The following FBXO31 variants were observed in gnomAD, a reference collection of about 807,000 sequenced individuals.
The protein encoded by FBXO31 is F-box protein 31.
In FBXO31, 24 loss-of-function variants were observed where a neutral mutation model predicts 54.4. The ratio of observed to expected loss-of-function variants is 0.44; its 90% CI spans 0.32 to 0.62. The LOEUF (loss-of-function observed/expected upper bound fraction) is 0.62, where lower values mean the gene tolerates loss of function less well. Ranked by LOEUF, FBXO31 falls within the 20% of genes least tolerant of loss-of-function variation. The pLI is 0.05. For synonymous variants in FBXO31, 388 were observed against 335.6 expected (o/e 1.16, Z -1.71); for missense variants, 665 against 787.1 (o/e 0.84, Z 1.86).
At chr16:87,349,535 C>T (rs985556565) in intron 2 of FBXO31, among the ~76,000 whole-genome samples, 1 of 152,158 alleles carries the variant, frequency 6.6e-6, no homozygotes, top group African/African-American at 2.4e-5. Flanking sequence ...CATGGTGAAA[C>T]CCCGTCTCTA....
intron 1 of FBXO31, among the ~76,000 whole-genome samples, chr16:87,381,018 G>A (rs902649314): frequency 6.6e-6 from 1 of 152,170 alleles, no homozygotes; most frequent in Admixed American, 6.5e-5. Flanking sequence ...CACAGGTCTG[G>A]CCGCCTAATG....
At chr16:87,348,233 T>A (rs1380987077) in intron 2 of FBXO31, among the ~76,000 whole-genome samples, 1 of 152,112 alleles carries the variant, frequency 6.6e-6, no homozygotes, top group Non-Finnish European at 1.5e-5. Context: ...CCACCCTACC[T>A]GCCCGCTCTC....
intron 2 of FBXO31, among the ~76,000 whole-genome samples, chr16:87,351,624 T>C (rs1905659635): frequency 6.6e-6 from 1 of 152,158 alleles, no homozygotes; most frequent in Non-Finnish European, 1.5e-5. Flanking sequence ...ATCCCAGAAC[T>C]TTAGGAGGCC....
At chr16:87,384,009 C>CA (rs534855747), upstream of FBXO31, 333 of 214,908 alleles carry the variant, frequency 1.5e-3, no homozygotes, top group African/African-American at 7.3e-3. Flanking sequence ...ATGCCGAGTG[C>CA]AAAACGTTAG....
intron 8 of FBXO31, among the ~76,000 whole-genome samples, chr16:87,333,441 CAGG>C (rs774212308): frequency 2.0e-5 from 3 of 152,122 alleles, no homozygotes; most frequent in Non-Finnish European, 4.4e-5. Flanking sequence ...AGACGCTGTC[CAGG>C]AGGACACCAA....
chr16:87,343,214 G>A (rs1384771268), intron 4 of FBXO31, among the ~76,000 whole-genome samples: 1 of 152,286 alleles, frequency 6.6e-6, no homozygotes, highest in Non-Finnish European at 1.5e-5. Flanking sequence ...CAAAAGGGCT[G>A]CATCTCACAC....
In FBXO31 at chr16:87,358,914, C is replaced by T. The variant is rs1341500011; in HGVS notation, c.412+1381G>A. Among the ~76,000 whole-genome samples, 1 of 152,166 alleles carries T rather than the reference C, an allele frequency of 6.6e-6. No individual in the cohort carries two copies. Among genetic ancestry groups the T allele is most frequent in the East Asian group, 1.9e-4 (1 of 5,194 alleles). On this transcript the variant is annotated intron_variant, in intron 2 of 8. Transcript: ENST00000311635. This position sits in a 1 kb window ranked among gnomAD's most constrained non-coding sequence, Gnocchi z 4.0. The stretch of plus-strand genomic sequence containing the variant: ...ACATACTCACTTTGCCCAGCACCCA[C>T]CTGGCGTTTCCCAGCCTGCTAACTC...
chr16:87,342,744 C>G (rs906887568), intron 5 of FBXO31, 133 bp downstream of exon 5: 2 of 721,908 alleles, frequency 2.8e-6, no homozygotes, highest in African/African-American at 3.6e-5. Context: ...CTGACAATAC[C>G]GGCTGAACCA....
chr16:87,337,557 G>A (rs72804092), intron 5 of FBXO31, among the ~76,000 whole-genome samples: 2,837 of 152,306 alleles, frequency 0.019, 24 homozygotes, highest in African/African-American at 0.031. Flanking sequence ...GTCATGACAC[G>A]GCGTGCAAGC....
intron 2 of FBXO31, among the ~76,000 whole-genome samples, chr16:87,350,280 T>C (rs1368964723): frequency 6.6e-6 from 1 of 152,042 alleles, no homozygotes; most frequent in Non-Finnish European, 1.5e-5. Context: ...AGTAAGAAAC[T>C]TCTCAAGCCT....
upstream of FBXO31, among the ~76,000 whole-genome samples, chr16:87,387,135 T>A (rs1907351114): frequency 1.3e-5 from 2 of 151,486 alleles, no homozygotes; most frequent in Admixed American, 1.3e-4. Flanking sequence ...TCTACAAAAA[T>A]AATAATAATA....
At position 87,331,146 on chromosome 16, in the gene FBXO31, G is replaced by C; in HGVS notation, c.*142C>G. 1.4e-6 allele frequency: 1 copy of C among 693,720 alleles called. No individual in the cohort carries two copies. The highest frequency in any genetic ancestry group is 2.5e-6 in the Non-Finnish European group (1 of 402,564). The allele number at this position is 693,720 out of a possible 1,614,324, so 43.0% of individuals were successfully genotyped here. On this transcript the variant is annotated 3_prime_UTR_variant, in exon 9 of 9. Transcript: ENST00000311635. ...GTCACACTCTCTACATAAAGTGCTG[G>C]GGGGTGGCTGGACTGGGCCCCCCGA... is the stretch of plus-strand genomic sequence containing the variant.
chr16:87,380,599 G>C (rs1351909130), intron 1 of FBXO31, among the ~76,000 whole-genome samples: 1 of 152,144 alleles, frequency 6.6e-6, no homozygotes, highest in Non-Finnish European at 1.5e-5. Flanking sequence ...TGTTGCCGAG[G>C]CTGGTCTTGA....
At chr16:87,372,732 C>CTT (rs540984671) in intron 1 of FBXO31, among the ~76,000 whole-genome samples, 89 of 129,730 alleles carry the variant, frequency 6.9e-4, no homozygotes, top group African/African-American at 1.2e-3. Context: ...GGTTAATTTC[C>CTT]TTTTTTTTTT....
At position 87,335,371 on chromosome 16, in the gene FBXO31, C is replaced by T. The variant is rs746462345; in HGVS notation, c.929G>A (p.Gly310Asp). ...CATCACAATCTCCAGGCCGTGGCTG[C>T]CATAGGTACCTTTGAAGAGGCCAGG... ...IKPGLFKGTY[G>D]SHGLEIVMLS... is the part of the protein sequence containing the mutation. The change falls in exon 7 of 9, where the codon GGC (glycine) becomes GAC (aspartate). Residue 310 changes from glycine (G) to aspartate (D), a missense_variant. By Grantham distance (94) the Gly-to-Asp change is moderately conservative (BLOSUM62 -1). Around this residue, in one of 4 missense-constraint regions of FBXO31, gnomAD observed 234 missense variants for 346.8 expected, o/e 0.67. Transcript: ENST00000311635. The surrounding 1 kb of genome is among the most constrained non-coding windows in gnomAD (Gnocchi z 5.7). 5 of 1,614,046 alleles carry T rather than the reference C, an allele frequency of 3.1e-6. No homozygotes were observed. Among genetic ancestry groups the T allele is most frequent in the Non-Finnish European group, 4.2e-6 (5 of 1,180,000 alleles).
rs1046361816 is a variant in FBXO31 at position 87,345,792 on chromosome 16, C to G, written c.489+1382G>C. On this transcript the variant is annotated intron_variant, in intron 3 of 8. Transcript: ENST00000311635. This position sits in a 1 kb window ranked among gnomAD's most constrained non-coding sequence, Gnocchi z 4.9. ...GGCGAGGGGCAGGGCCTTCTCCCCC[C>G]TTCCTGAGGCCACTGACCACTGGCT... 2.5e-4 allele frequency among the ~76,000 whole-genome samples: 38 copies of G among 152,324 alleles called. No homozygotes were observed. The highest frequency in any genetic ancestry group is 8.7e-4 in the African/African-American group (36 of 41,582).
Position 87,366,300 on chromosome 16 carries a change from C to G in FBXO31, c.341-5934G>C, listed in dbSNP as rs552756771. Among the ~76,000 whole-genome samples the G allele has an allele frequency of 3.3e-5, 5 of 152,312 alleles. No individual in the cohort carries two copies. In the East Asian group the frequency reaches 9.6e-4, roughly 29 times the overall value. The stretch of plus-strand genomic sequence containing the variant: ...ACGGTCACAACTGGGGAAATCAGAG[C>G]ATATGGGAACTCTCTGCCCTTCCTT... On this transcript the variant is annotated intron_variant, in intron 1 of 8. Transcript: ENST00000311635.
rs572183287 is a variant in FBXO31 at position 87,328,931 on chromosome 16, C to A, written c.*2357G>T. On this transcript the variant is annotated 3_prime_UTR_variant, in exon 9 of 9. Transcript: ENST00000311635. The stretch of plus-strand genomic sequence containing the variant: ...TCAGCTGCCCTTAGGCCTCTGATGA[C>A]GACATCAGCCCTTCCGAGTTCTCAC... 6.6e-6 allele frequency: 1 copy of A among 152,198 alleles called. No individual in the cohort carries two copies. Among genetic ancestry groups the A allele is most frequent in the Non-Finnish European group, 1.5e-5 (1 of 68,048 alleles). The allele number at this position is 152,198 out of a possible 1,614,324, so 9.4% of individuals were successfully genotyped here. A position where few individuals can be genotyped will look rare whatever the true frequency, so the allele number is the denominator to read the frequency against.
chr16:87,370,430 G>A (rs1032364896), intron 1 of FBXO31, among the ~76,000 whole-genome samples: 1 of 152,234 alleles, frequency 6.6e-6, no homozygotes, highest in African/African-American at 2.4e-5. Flanking sequence ...GCCATCTGGG[G>A]CAACTTGGCA....
Sources: allele counts gnomAD v4.1 joint callset (sites outside exome capture counted in the v4.1 genomes callset), GRCh38; gene constraint gnomAD v4.1.1; regional missense constraint gnomAD v4.1.1; non-coding constraint Gnocchi (gnomAD v3.1); transcripts MANE v1.5; gene names NCBI Gene and HGNC (gene_info 2026-07-23, HGNC 2026-07-21).